SH3GL2: variants seen among roughly 807,000 people sequenced by gnomAD.
SH3GL2 encodes the protein SH3 domain containing GRB2 like 2, endophilin A1, also known as endophilin-A1.
A neutral mutation model predicts 46.0 loss-of-function variants in SH3GL2; 24 were observed. That is an observed-to-expected ratio of 0.52 (90% CI 0.38 to 0.73). SH3GL2 has a LOEUF of 0.73. SH3GL2 is among the 30% of genes least tolerant of loss of function. The probability of loss-of-function intolerance (pLI) is 0.00; values close to 1 mark genes in which losing one functional copy is unlikely to be tolerated. For synonymous variants in SH3GL2, 196 were observed against 147.1 expected, an observed-to-expected ratio of 1.33 and a Z score of -2.40; for missense variants, 413 against 424.2, an observed-to-expected ratio of 0.97 and a Z score of 0.23.
At chr9:17,726,906 G>C (rs781397233) in intron 1 of SH3GL2, among the ~76,000 whole-genome samples, 1 of 152,118 alleles carries the variant, frequency 6.6e-6, no homozygotes, top group Non-Finnish European at 1.5e-5. Context: ...TAACAAAATA[G>C]GTTGAATATT....
At chr9:17,752,325 G>A (rs1365770856) in intron 2 of SH3GL2, among the ~76,000 whole-genome samples, 1 of 152,148 alleles carries the variant, frequency 6.6e-6, no homozygotes, top group Non-Finnish European at 1.5e-5. Flanking sequence ...TTAAGTGGGT[G>A]TGTATGCATT....
intron 1 of SH3GL2, among the ~76,000 whole-genome samples, chr9:17,641,499 G>GTTACC (rs1819680945): frequency 1.3e-5 from 2 of 152,110 alleles, no homozygotes; most frequent in African/African-American, 4.8e-5. Flanking sequence ...GTGCAGGTTT[G>GTTACC]TTACATTGAT....
rs534940060 is a variant in SH3GL2, at chr9:17,784,425, A to G, written c.188-1956A>G. On this transcript the variant is annotated intron_variant, in intron 3 of 8. Transcript: ENST00000380607. ...GAATAGGATTTGTAGGGATTAACTC[A>G]TGTGTGGTTTCATTACTCTGTTTCT... Among the ~76,000 whole-genome samples, 314 of 152,216 alleles carry G rather than the reference A, an allele frequency of 2.1e-3. 1 individual carries two copies. The highest frequency in any genetic ancestry group is 3.6e-3 in the Non-Finnish European group (246 of 67,994).
intron 1 of SH3GL2, among the ~76,000 whole-genome samples, chr9:17,598,495 T>C (rs1818613970): frequency 6.6e-6 from 1 of 152,188 alleles, no homozygotes; most frequent in African/African-American, 2.4e-5. Flanking sequence ...AAATTGAGGC[T>C]GAGAAGAAAC....
chr9:17,659,226 T>C (rs1164679513), intron 1 of SH3GL2, among the ~76,000 whole-genome samples: 1 of 152,142 alleles, frequency 6.6e-6, no homozygotes, highest in Non-Finnish European at 1.5e-5. Context: ...ATAGAGAAAG[T>C]CCATTTGGCT....
chr9:17,773,409 C>T (rs1823548731), intron 3 of SH3GL2, among the ~76,000 whole-genome samples: 1 of 152,028 alleles, frequency 6.6e-6, no homozygotes, highest in Non-Finnish European at 1.5e-5. Flanking sequence ...GAAGCTTTTG[C>T]CTGTGTTTTC....
chr9:17,775,781 TC>T (rs1311038579), intron 3 of SH3GL2, among the ~76,000 whole-genome samples: 1 of 152,070 alleles, frequency 6.6e-6, no homozygotes, highest in African/African-American at 2.4e-5. Flanking sequence ...CCATTAGGTT[TC>T]CCCCAACAGT....
chr9:17,710,989 C>A (rs946969263), intron 1 of SH3GL2, among the ~76,000 whole-genome samples: 1 of 152,072 alleles, frequency 6.6e-6, no homozygotes, highest in East Asian at 1.9e-4. Context: ...TGTGCACATT[C>A]ATTCTCTGTC....
intron 1 of SH3GL2, among the ~76,000 whole-genome samples, chr9:17,689,665 C>T (rs1821021885): frequency 6.6e-6 from 1 of 151,984 alleles, no homozygotes; most frequent in Non-Finnish European, 1.5e-5. Context: ...AAGGTTATTC[C>T]TGCCTTTCAT....
At position 17,790,140 on chromosome 9, in the gene SH3GL2, G is replaced by T. The variant is rs781341821; in HGVS notation, c.624+590G>T. On this transcript the variant is annotated intron_variant, in intron 6 of 8. Coordinates refer to ENST00000380607, the MANE Select transcript of SH3GL2 (RefSeq NM_003026.5). Reference sequence around the variant, plus strand: ...CATCCAAAGACAGGAGCGTATGGGTGTCCCTTCGCTAGAAGAGAGAGAGAA... The same window carrying T: ...CATCCAAAGACAGGAGCGTATGGGTTTCCCTTCGCTAGAAGAGAGAGAGAA... 2.6e-5 allele frequency among the ~76,000 whole-genome samples: 4 copies of T among 152,168 alleles called. No individual in the cohort carries two copies. In the South Asian group the frequency reaches 8.3e-4, roughly 31 times the overall value.
chr9:17,707,036 T>C (rs905990954), intron 1 of SH3GL2, among the ~76,000 whole-genome samples: 3 of 152,166 alleles, frequency 2.0e-5, no homozygotes, highest in Non-Finnish European at 4.4e-5. Context: ...TAACCAGTGG[T>C]CAGCCAATCC....
At chr9:17,592,532 C>A (rs1225417948) in intron 1 of SH3GL2, among the ~76,000 whole-genome samples, 1 of 152,210 alleles carries the variant, frequency 6.6e-6, no homozygotes, top group Non-Finnish European at 1.5e-5. Flanking sequence ...CTGAGTAAAT[C>A]TGTGAGCTTG....
chr9:17,706,420 C>T (rs1177827795), intron 1 of SH3GL2, among the ~76,000 whole-genome samples: 1 of 152,100 alleles, frequency 6.6e-6, no homozygotes, highest in Non-Finnish European at 1.5e-5. Flanking sequence ...CATGAACTTT[C>T]CTGTCCTCTC....
intron 2 of SH3GL2, among the ~76,000 whole-genome samples, chr9:17,750,141 C>A (rs1213007126): frequency 6.6e-6 from 1 of 152,132 alleles, no homozygotes; most frequent in Non-Finnish European, 1.5e-5. Flanking sequence ...AATTGAAAAG[C>A]ACTTGCTTTG....
rs546430986 is a variant in SH3GL2, at chr9:17,669,754, C to G, written c.46-77312C>G. On this transcript the variant is annotated intron_variant, in intron 1 of 8. Transcript: ENST00000380607. ...GTGAACATAAGTCTTCCACATTCCT[C>G]TGAGATAAATGCTTATGAGGGTGAT... is the stretch of plus-strand genomic sequence containing the variant. Among the ~76,000 whole-genome samples, 332 of 152,226 alleles carry G rather than the reference C, an allele frequency of 2.2e-3. 1 individual carries two copies. The highest frequency in any genetic ancestry group is 5.8e-3 in the South Asian group (28 of 4,820).
chr9:17,781,820 C>T (rs2224955), intron 3 of SH3GL2, among the ~76,000 whole-genome samples: 5 of 151,810 alleles, frequency 3.3e-5, no homozygotes, highest in Admixed American at 6.6e-5. Context: ...AAGCCCAGCT[C>T]GAGCATCATC....
chr9:17,712,051 T>C (rs1042953063), intron 1 of SH3GL2, among the ~76,000 whole-genome samples: 3 of 151,864 alleles, frequency 2.0e-5, no homozygotes, highest in Non-Finnish European at 4.4e-5. Flanking sequence ...AATTGGCATT[T>C]CCTTAATGAC....
chr9:17,687,059 G>A (rs1464073325), intron 1 of SH3GL2, among the ~76,000 whole-genome samples: 3 of 152,018 alleles, frequency 2.0e-5, no homozygotes, highest in Non-Finnish European at 4.4e-5. Context: ...AATGATCCCA[G>A]ACTGAAGATG....
chr9:17,791,059 G>C (rs147476750), intron 6 of SH3GL2, among the ~76,000 whole-genome samples, 172 bp from the exon 7 acceptor site: 1 of 152,236 alleles, frequency 6.6e-6, no homozygotes, highest in Non-Finnish European at 1.5e-5. Flanking sequence ...TATCCTTGAT[G>C]GATTTGAAAC....
Sources: gnomAD v4.1 joint callset for allele counts (sites outside exome capture counted in the v4.1 genomes callset) on GRCh38, gnomAD v4.1.1 for gene constraint, MANE v1.5 for transcripts, NCBI Gene and HGNC (gene_info 2026-07-23, HGNC 2026-07-21) for gene names.